TRERF1: variants seen among roughly 807,000 people sequenced by gnomAD.
TRERF1 encodes the protein transcriptional-regulating factor 1.
A neutral mutation model predicts 122.9 loss-of-function variants in TRERF1; 27 were observed. The ratio of observed to expected loss-of-function variants is 0.22; its 90% confidence interval spans 0.16 to 0.30. TRERF1 has a LOEUF of 0.30. Ranked by LOEUF, TRERF1 falls within the 10% of genes least tolerant of loss-of-function variation. TRERF1 has a pLI of 1.00. For missense variants in TRERF1, 1,248 were observed against 1,560.3 expected (o/e 0.80, Z 3.37); for synonymous variants, 636 against 641.7 (o/e 0.99, Z 0.13).
intron 3 of TRERF1, among the ~76,000 whole-genome samples, chr6:42,305,508 T>TTA (rs1787047560): frequency 6.6e-6 from 1 of 152,170 alleles, no homozygotes; most frequent in Non-Finnish European, 1.5e-5. Flanking sequence ...GAACAAGCAC[T>TTA]TTAAATGAGT....
Position 42,264,691 on chromosome 6 carries a change from G to A in TRERF1, c.1635+13C>T, listed in dbSNP as rs1778829988. On this transcript the variant is annotated intron_variant, in intron 7 of 17. Coordinates refer to ENST00000372922, the Ensembl canonical transcript of TRERF1. ...CACGACCTAGAAAGGACCGGGAACT[G>A]GCTCCTGCTAACCTGTTTGAGGTTG... 1.2e-6 allele frequency: 2 copies of A among 1,612,938 alleles called. No homozygotes were observed. The highest frequency in any genetic ancestry group is 4.5e-5 in the East Asian group (2 of 44,882).
intron 17 of TRERF1, among the ~76,000 whole-genome samples, chr6:42,229,490 T>C (rs552677600): frequency 6.6e-6 from 1 of 152,284 alleles, no homozygotes; most frequent in South Asian, 2.1e-4. Context: ...GGATCTCTTT[T>C]TTCTCTGCTT....
At chr6:42,296,777 A>C (rs1463316347) in intron 4 of TRERF1, among the ~76,000 whole-genome samples, 1 of 152,158 alleles carries the variant, frequency 6.6e-6, no homozygotes, top group Non-Finnish European at 1.5e-5. Flanking sequence ...AGAGTAGCAT[A>C]AGGAGGAAAG....
intron 3 of TRERF1, among the ~76,000 whole-genome samples, chr6:42,345,451 G>A (rs528673084): frequency 7.9e-5 from 12 of 152,250 alleles, no homozygotes; most frequent in East Asian, 1.9e-4. Context: ...CTCACAGACC[G>A]GCAATGCTGA....
intron 2 of TRERF1, among the ~76,000 whole-genome samples, chr6:42,421,419 T>C (rs1365665691): frequency 6.6e-6 from 1 of 152,190 alleles, no homozygotes; most frequent in African/African-American, 2.4e-5. Context: ...GTTCATCTGG[T>C]CCACTCAGAC....
intron 4 of TRERF1, among the ~76,000 whole-genome samples, chr6:42,274,492 T>C (rs1780806316): frequency 6.6e-6 from 1 of 152,058 alleles, no homozygotes; most frequent in South Asian, 2.1e-4. Context: ...CTGGCCAACA[T>C]GGCAAAACCC....
At chr6:42,435,100 C>T (rs915943251) in intron 2 of TRERF1, among the ~76,000 whole-genome samples, 2 of 151,084 alleles carry the variant, frequency 1.3e-5, no homozygotes, top group Non-Finnish European at 2.9e-5. Context: ...CATTGCACTC[C>T]AGCCTGGGCA....
At chr6:42,357,057 G>A (rs1001066314) in intron 3 of TRERF1, among the ~76,000 whole-genome samples, 1 of 152,020 alleles carries the variant, frequency 6.6e-6, no homozygotes, top group Non-Finnish European at 1.5e-5. Flanking sequence ...TTGGCTGGGT[G>A]CGGTGACTCA....
chr6:42,359,212 G>A (rs1771224873), intron 3 of TRERF1, among the ~76,000 whole-genome samples: 1 of 152,186 alleles, frequency 6.6e-6, no homozygotes, highest in African/African-American at 2.4e-5. Flanking sequence ...GGTCAGCCCT[G>A]TGGCACCAGA....
intron 2 of TRERF1, among the ~76,000 whole-genome samples, chr6:42,429,675 C>T (rs1275043084): frequency 6.6e-6 from 1 of 152,184 alleles, no homozygotes; most frequent in Non-Finnish European, 1.5e-5. Flanking sequence ...GGACACAGCA[C>T]TGGACATATA....
chr6:42,282,020 G>A (rs915551212), intron 4 of TRERF1, among the ~76,000 whole-genome samples: 5 of 152,214 alleles, frequency 3.3e-5, no homozygotes, highest in Non-Finnish European at 7.3e-5. Flanking sequence ...GTAGAGGAAG[G>A]TGTGATGCTT....
At position 42,408,311 on chromosome 6, in the gene TRERF1, T is replaced by A. The variant is rs533183594; in HGVS notation, c.-454+42866A>T. 8.7e-3 allele frequency among the ~76,000 whole-genome samples: 764 copies of A among 87,804 alleles called. 9 individuals are homozygous for A. Among genetic ancestry groups the A allele is most frequent in the Non-Finnish European group, 0.011 (542 of 48,040 alleles). 57.6% of individuals were successfully genotyped at this position (87,804 alleles called of 152,430 possible). A position where few individuals can be genotyped will look rare whatever the true frequency, so the allele number is the denominator to read the frequency against. ...TGTGTGTGTATGTATATATACATACTCATGTGTGTGTATATATATATATAC... is the reference window on the plus strand; with the variant it reads ...TGTGTGTGTATGTATATATACATACACATGTGTGTGTATATATATATATAC... On this transcript the variant is annotated intron_variant, in intron 2 of 17. Coordinates refer to ENST00000372922, the Ensembl canonical transcript of TRERF1.
intron 2 of TRERF1, among the ~76,000 whole-genome samples, chr6:42,441,508 C>T (rs963410052): frequency 1.3e-5 from 2 of 152,172 alleles, no homozygotes; most frequent in Non-Finnish European, 2.9e-5. Context: ...AGTTAAACCA[C>T]CCCAGCTAAA....
chr6:42,346,299 C>T (rs1161283496), intron 3 of TRERF1, among the ~76,000 whole-genome samples: 2 of 152,204 alleles, frequency 1.3e-5, no homozygotes, highest in African/African-American at 4.8e-5. Flanking sequence ...CTGCTTTGAC[C>T]AGTTAATCGG....
intron 17 of TRERF1, among the ~76,000 whole-genome samples, chr6:42,229,993 A>T (rs548096209): frequency 2.0e-5 from 3 of 152,292 alleles, no homozygotes; most frequent in Admixed American, 6.5e-5. Flanking sequence ...TCAAATATTA[A>T]CTATCTGGAC....
At chr6:42,287,591 G>A (rs987478522) in intron 4 of TRERF1, among the ~76,000 whole-genome samples, 4 of 152,024 alleles carry the variant, frequency 2.6e-5, no homozygotes, top group Admixed American at 6.5e-5. Flanking sequence ...CGTCCCCCCT[G>A]CCCTAACTCC....
At chr6:42,339,089 C>T (rs749149600) in intron 3 of TRERF1, among the ~76,000 whole-genome samples, 1 of 152,172 alleles carries the variant, frequency 6.6e-6, no homozygotes, top group Admixed American at 6.6e-5. Flanking sequence ...AGCCAAAACA[C>T]GAAGAAGGGC....
At chr6:42,303,802 G>A (rs1786646091) in intron 3 of TRERF1, among the ~76,000 whole-genome samples, 1 of 147,878 alleles carries the variant, frequency 6.8e-6, no homozygotes. Context: ...TGTAGTCCCA[G>A]CTACTTGAGA....
chr6:42,398,267 T>G (rs1291301675), intron 2 of TRERF1, among the ~76,000 whole-genome samples: 2 of 152,172 alleles, frequency 1.3e-5, no homozygotes, highest in Admixed American at 6.5e-5. Flanking sequence ...ACCCCCAAAG[T>G]GAAGCAGGTC....
Sources: gnomAD v4.1 joint callset for allele counts (sites outside exome capture counted in the v4.1 genomes callset) on GRCh38, gnomAD v4.1.1 for gene constraint, MANE v1.5 for transcripts, NCBI Gene and HGNC (gene_info 2026-07-23, HGNC 2026-07-21) for gene names.